PRKCQ: variants seen among roughly 807,000 people sequenced by gnomAD.
PRKCQ encodes protein kinase C theta type.
Under a neutral mutation model 91.2 loss-of-function variants are expected in PRKCQ, and 41 were observed. The ratio of observed to expected loss-of-function variants is 0.45; its 90% CI spans 0.35 to 0.58. The LOEUF (loss-of-function observed/expected upper bound fraction) is 0.58, where lower values mean the gene tolerates loss of function less well. PRKCQ is among the 20% of genes least tolerant of loss of function. PRKCQ has a pLI of 0.00. For synonymous variants in PRKCQ, 307 were observed against 316.9 expected (o/e 0.97, Z 0.33); for missense variants, 673 against 896.5 (o/e 0.75, Z 3.18).
intron 1 of PRKCQ, among the ~76,000 whole-genome samples, chr10:6,543,533 C>T (rs1344383785): frequency 6.6e-6 from 1 of 152,212 alleles, no homozygotes; most frequent in Admixed American, 6.5e-5. Flanking sequence ...CTAAAGCCAG[C>T]AGCAGCTTCT....
intron 16 of PRKCQ, 149 bp from the exon 17 acceptor site, chr10:6,431,087 C>T (rs1487942289): frequency 1.1e-5 from 11 of 1,038,048 alleles, no homozygotes; most frequent in Non-Finnish European, 1.5e-5. Context: ...GTCAACCTGT[C>T]CTGGCACTCT....
At chr10:6,569,392 G>A (rs1268729056) in intron 1 of PRKCQ, among the ~76,000 whole-genome samples, 2 of 151,926 alleles carry the variant, frequency 1.3e-5, no homozygotes, top group Non-Finnish European at 2.9e-5. Flanking sequence ...GACCTCCTAG[G>A]AGCTTAAAGA....
chr10:6,474,237 C>A (rs552436329), intron 12 of PRKCQ, among the ~76,000 whole-genome samples: 2 of 152,208 alleles, frequency 1.3e-5, no homozygotes, highest in African/African-American at 4.8e-5. Flanking sequence ...TAGCGTTCTG[C>A]CTCTTGGCAT....
intron 1 of PRKCQ, among the ~76,000 whole-genome samples, chr10:6,527,969 C>G (rs1033021320): frequency 1.2e-4 from 19 of 152,202 alleles, no homozygotes; most frequent in Admixed American, 1.0e-3. Context: ...TGAGATCAGT[C>G]ACTCTTCTCC....
At chr10:6,521,769 C>T (rs1485202742) in intron 1 of PRKCQ, among the ~76,000 whole-genome samples, 6 of 152,158 alleles carry the variant, frequency 3.9e-5, no homozygotes, top group Non-Finnish European at 7.3e-5. Flanking sequence ...TTGCAGAGCA[C>T]TTACTACCCT....
chr10:6,486,653 C>T (rs1247774296), intron 8 of PRKCQ, among the ~76,000 whole-genome samples: 3 of 152,254 alleles, frequency 2.0e-5, no homozygotes, highest in Non-Finnish European at 4.4e-5. Context: ...CTGTTTTCTT[C>T]TACCAACAGC....
chr10:6,413,892 G>C, the PRKCQ span, among the ~76,000 whole-genome samples: 22,361 of 150,890 alleles, frequency 0.15, 2,136 homozygotes, highest in Middle Eastern at 0.22. Context: ...GCTTTCCACT[G>C]CTGGCCAAGG....
chr10:6,442,821 G>C (rs1750705098), intron 15 of PRKCQ, among the ~76,000 whole-genome samples: 1 of 152,120 alleles, frequency 6.6e-6, no homozygotes, highest in Non-Finnish European at 1.5e-5. Flanking sequence ...AATTAACCAG[G>C]TGTGGTGGTG....
At chr10:6,415,746 C>CTTTT in the PRKCQ span, among the ~76,000 whole-genome samples, 1 of 140,278 alleles carries the variant, frequency 7.1e-6, no homozygotes. Flanking sequence ...CTCTCTCTCT[C>CTTTT]TTTTTTTTTT....
chr10:6,546,745 C>G (rs1000955937), intron 1 of PRKCQ, among the ~76,000 whole-genome samples: 1 of 152,108 alleles, frequency 6.6e-6, no homozygotes, highest in Non-Finnish European at 1.5e-5. Flanking sequence ...CCTAATTGCC[C>G]TGGCCAGAAC....
At chr10:6,455,636 G>T (rs1312462639) in intron 15 of PRKCQ, among the ~76,000 whole-genome samples, 1 of 152,132 alleles carries the variant, frequency 6.6e-6, no homozygotes, top group Non-Finnish European at 1.5e-5. Context: ...ACCTTAATAT[G>T]CCAACACCTG....
rs561308890 is a variant in PRKCQ at position 6,477,456 on chromosome 10, C to T, written c.1353+1536G>A. 2.0e-5 allele frequency among the ~76,000 whole-genome samples: 3 copies of T among 152,340 alleles called. No individual in the cohort carries two copies. The East Asian group carries it at 5.8e-4, about 29-fold the overall frequency. On this transcript the variant is annotated intron_variant, in intron 12 of 17. Coordinates refer to ENST00000263125, the MANE Select transcript of PRKCQ (RefSeq NM_006257.5). The stretch of plus-strand genomic sequence containing the variant: ...ACTGCAGAGGTGGTGATGGATGCCC[C>T]AGTTGCCATCCACTTTCCTCATTCA...
At chr10:6,545,172 T>C (rs1839906185) in intron 1 of PRKCQ, among the ~76,000 whole-genome samples, 2 of 152,198 alleles carry the variant, frequency 1.3e-5, no homozygotes, top group South Asian at 4.1e-4. Context: ...ACCACGGACA[T>C]GAGAAAGGCA....
At chr10:6,421,588 T>C in the PRKCQ span, among the ~76,000 whole-genome samples, 1 of 152,208 alleles carries the variant, frequency 6.6e-6, no homozygotes, top group Non-Finnish European at 1.5e-5. The surrounding 1 kb of genome is among the most constrained non-coding windows in gnomAD (Gnocchi z 4.1). Context: ...GTGGTACATT[T>C]CCATCACAGC....
intron 14 of PRKCQ, among the ~76,000 whole-genome samples, chr10:6,459,067 C>G (rs996794222): frequency 6.6e-6 from 1 of 152,172 alleles, no homozygotes; most frequent in African/African-American, 2.4e-5. Context: ...GCTGGATGCA[C>G]CTGTTGAATA....
At chr10:6,401,944 C>T in the PRKCQ span, among the ~76,000 whole-genome samples, 245 of 152,320 alleles carry the variant, frequency 1.6e-3, no homozygotes, top group South Asian at 3.1e-3. Flanking sequence ...TCTGAGGCAG[C>T]CCTGCCCAGC....
intron 1 of PRKCQ, among the ~76,000 whole-genome samples, chr10:6,538,703 A>G (rs1171762848): frequency 6.6e-6 from 1 of 152,224 alleles, no homozygotes; most frequent in Non-Finnish European, 1.5e-5. Flanking sequence ...GAGTTGGAAT[A>G]AGACTGATTT....
intron 1 of PRKCQ, among the ~76,000 whole-genome samples, chr10:6,545,703 CCTGA>C (rs1839926024): frequency 6.6e-6 from 1 of 152,088 alleles, no homozygotes; most frequent in Non-Finnish European, 1.5e-5. Context: ...TTCTCATGTC[CCTGA>C]ACCGTACACT....
chr10:6,580,204 G>A lies in PRKCQ; in HGVS notation c.-10+7C>T, dbSNP rs978507820. ...TCCCGGCGGCGGCGCGGGGCGCGGG[G>A]CCCTACCTGGAGCGAGCACGGCGCC... On this transcript the variant is annotated splice_region_variant and intron_variant, in intron 1 of 17. Coordinates refer to ENST00000263125, the MANE Select transcript of PRKCQ (RefSeq NM_006257.5). The A allele has an allele frequency of 9.8e-5, 15 of 153,152 alleles. No homozygotes were observed. The highest frequency in any genetic ancestry group is 3.4e-4 in the African/African-American group (14 of 41,552). The allele number at this position is 153,152 out of a possible 1,614,324, so 9.5% of individuals were successfully genotyped here. A position where few individuals can be genotyped will look rare whatever the true frequency, so the allele number is the denominator to read the frequency against.
Sources: gnomAD v4.1 joint callset for allele counts (sites outside exome capture counted in the v4.1 genomes callset) on GRCh38, gnomAD v4.1.1 for gene constraint, Gnocchi (gnomAD v3.1) non-coding constraint, MANE v1.5 for transcripts, NCBI Gene and HGNC (gene_info 2026-07-23, HGNC 2026-07-21) for gene names.